The following POU2F1 variants were observed in gnomAD, a reference collection of about 807,000 sequenced individuals.
POU2F1 encodes POU class 2 homeobox 1, also known as POU domain, class 2, transcription factor 1.
In POU2F1, 16 loss-of-function variants were observed where a neutral mutation model predicts 84.9. That is an observed-to-expected ratio of 0.19 (90% CI 0.13 to 0.29). The LOEUF is 0.29. Ranked by LOEUF, POU2F1 falls within the 10% of genes least tolerant of loss-of-function variation. The pLI, the probability that POU2F1 is intolerant of heterozygous loss-of-function variation, is 1.00. For missense variants in POU2F1, 738 were observed against 942.6 expected (o/e 0.78, Z 2.84); for synonymous variants, 368 against 368.3 (o/e 1.00, Z 0.01).
chr1:167,405,820 A>G (rs1408928408), intron 13 of POU2F1, among the ~76,000 whole-genome samples: 1 of 152,254 alleles, frequency 6.6e-6, no homozygotes, highest in African/African-American at 2.4e-5. Context: ...CACATGGAAC[A>G]TCCATCTCCC....
intron 15 of POU2F1, chr1:167,414,775 C>T (rs1650192982): frequency 1.1e-6 from 1 of 940,152 alleles, no homozygotes; most frequent in Non-Finnish European, 1.3e-6. Context: ...AGTATTTAGC[C>T]TCAGGAAGTG....
intron 1 of POU2F1, among the ~76,000 whole-genome samples, chr1:167,328,572 G>T (rs1021792781): frequency 2.6e-5 from 4 of 152,140 alleles, no homozygotes; most frequent in African/African-American, 9.7e-5. Context: ...TAAGTCTGTA[G>T]GGTTGTTTCT....
intron 2 of POU2F1, among the ~76,000 whole-genome samples, chr1:167,352,818 A>G (rs756045877): frequency 4.6e-5 from 7 of 152,106 alleles, no homozygotes; most frequent in Non-Finnish European, 1.0e-4. Context: ...GCTCAATTTT[A>G]TTTCTTCCCT....
chr1:167,283,488 G>T (rs1653308719), intron 1 of POU2F1, among the ~76,000 whole-genome samples: 2 of 152,180 alleles, frequency 1.3e-5, no homozygotes, highest in African/African-American at 2.4e-5. Context: ...TGAATGGATG[G>T]TTGGGTAGAT....
intron 9 of POU2F1, among the ~76,000 whole-genome samples, chr1:167,393,256 A>G (rs1171757853): frequency 6.6e-6 from 1 of 152,182 alleles, no homozygotes; most frequent in Non-Finnish European, 1.5e-5. Context: ...ACGAAAGAGC[A>G]TTAAACCAAG....
intron 2 of POU2F1, among the ~76,000 whole-genome samples, chr1:167,350,857 G>A (rs1216635852): frequency 6.6e-6 from 1 of 151,776 alleles, no homozygotes; most frequent in East Asian, 1.9e-4. Flanking sequence ...AATTAGCCAG[G>A]CGTGGTGGCG....
At chr1:167,382,071 G>T (rs773521870) in intron 7 of POU2F1, among the ~76,000 whole-genome samples, 12 of 152,086 alleles carry the variant, frequency 7.9e-5, no homozygotes, top group Non-Finnish European at 4.4e-5. Flanking sequence ...TCAAAAATTA[G>T]TTGAGTGCCT....
intron 1 of POU2F1, among the ~76,000 whole-genome samples, chr1:167,294,201 T>C (rs1480572750): frequency 7.6e-6 from 1 of 132,240 alleles, no homozygotes; most frequent in South Asian, 2.3e-4. Flanking sequence ...AAAAAAAAAT[T>C]AGCCAGGTGT....
At chr1:167,227,252 T>C (rs1571117840) in intron 1 of POU2F1, among the ~76,000 whole-genome samples, 1 of 152,246 alleles carries the variant, frequency 6.6e-6, no homozygotes, top group East Asian at 1.9e-4. Context: ...TTTATCACAT[T>C]ATTTATTTCA....
chr1:167,370,099 T>C (rs1015110078), intron 3 of POU2F1, 62 bp from the exon 4 acceptor site: 1 of 1,404,996 alleles, frequency 7.1e-7, no homozygotes, highest in East Asian at 2.3e-5. Flanking sequence ...TATTTAGTGA[T>C]GACAACCCCT....
At chr1:167,376,004 C>A (rs1425151805) in intron 6 of POU2F1, 25 bp from the exon 7 acceptor site, 1 of 1,613,338 alleles carries the variant, frequency 6.2e-7, no homozygotes. Context: ...AATCTCCAAT[C>A]CATGTTTTAA....
intron 2 of POU2F1, among the ~76,000 whole-genome samples, chr1:167,365,252 T>C (rs1659612346): frequency 6.6e-6 from 1 of 152,242 alleles, no homozygotes; most frequent in African/African-American, 2.4e-5. Context: ...TTTCTGTTTC[T>C]TAAGCTTTAT....
At chr1:167,341,528 C>A (rs927500074) in intron 2 of POU2F1, among the ~76,000 whole-genome samples, 1 of 152,086 alleles carries the variant, frequency 6.6e-6, no homozygotes, top group African/African-American at 2.4e-5. Context: ...GCAGGACATG[C>A]GACAGGGAGT....
intron 1 of POU2F1, among the ~76,000 whole-genome samples, chr1:167,312,350 A>T (rs1291061280): frequency 6.6e-6 from 1 of 151,524 alleles, no homozygotes; most frequent in East Asian, 1.9e-4. Flanking sequence ...CAGCATCCCA[A>T]GTAGTGGAAT....
At chr1:167,403,310 T>G (rs906236810) in intron 13 of POU2F1, among the ~76,000 whole-genome samples, 1 of 152,230 alleles carries the variant, frequency 6.6e-6, no homozygotes, top group African/African-American at 2.4e-5. Flanking sequence ...CAGTATTTGA[T>G]TGCAGCCTTG....
rs559329302 is a variant in POU2F1, at chr1:167,385,274, T to C, written c.813+1323T>C. On this transcript the variant is annotated intron_variant, in intron 8 of 15. Coordinates refer to ENST00000367866, the MANE Select transcript of POU2F1 (RefSeq NM_002697.4). ...TGTCAGTTTTTCCCAAATTGACCTC[T>C]AGATTCAACAGTCTCAACCAATACC... Among the ~76,000 whole-genome samples, 3 of 152,358 alleles carry C rather than the reference T, an allele frequency of 2.0e-5. No homozygotes were observed. The East Asian group carries it at 5.8e-4, about 29-fold the overall frequency.
At chr1:167,356,163 C>CTTTTTTT (rs1187844604) in intron 2 of POU2F1, among the ~76,000 whole-genome samples, 25 of 129,832 alleles carry the variant, frequency 1.9e-4, no homozygotes, top group South Asian at 5.0e-4. Context: ...TTTTCTTTTT[C>CTTTTTTT]TTTTTTTTTT....
chr1:167,282,427 A>T (rs1653221059), intron 1 of POU2F1, among the ~76,000 whole-genome samples: 1 of 152,204 alleles, frequency 6.6e-6, no homozygotes, highest in Non-Finnish European at 1.5e-5. Context: ...TACAGGCGTG[A>T]CCTACCGCGC....
chr1:167,414,873 T>C (rs995290126), intron 15 of POU2F1, among the ~76,000 whole-genome samples: 3 of 152,264 alleles, frequency 2.0e-5, no homozygotes, highest in Non-Finnish European at 4.4e-5. Context: ...TTTCATCTTG[T>C]ATATCATAAT....
Sources: allele counts gnomAD v4.1 joint callset (sites outside exome capture counted in the v4.1 genomes callset), GRCh38; gene constraint gnomAD v4.1.1; transcripts MANE v1.5; gene names NCBI Gene and HGNC (gene_info 2026-07-23, HGNC 2026-07-21).